Variants in DOCK2 observed in about 807,000 individuals in gnomAD.
DOCK2 encodes the protein dedicator of cytokinesis 2, also known as dedicator of cytokinesis protein 2.
A neutral mutation model predicts 248.9 loss-of-function variants in DOCK2; 87 were observed. The ratio of observed to expected loss-of-function variants is 0.35; its 90% confidence interval spans 0.29 to 0.42. The LOEUF (loss-of-function observed/expected upper bound fraction) is 0.42. DOCK2 is among the 10% of genes least tolerant of loss of function. The pLI, the probability that DOCK2 is intolerant of heterozygous loss-of-function variation, is 1.00. For synonymous variants in DOCK2, 805 were observed against 821.6 expected, an observed-to-expected ratio of 0.98 and a Z score of 0.35; for missense variants, 1,747 against 2,300.2, an observed-to-expected ratio of 0.76 and a Z score of 4.92.
chr5:169,741,394 ACT>A (rs1165209742), intron 22 of DOCK2, among the ~76,000 whole-genome samples: 1 of 152,130 alleles, frequency 6.6e-6, no homozygotes, highest in Non-Finnish European at 1.5e-5. Context: ...CTTCAGACAG[ACT>A]CAGCCACTGG....
At chr5:169,968,759 A>T (rs1234616336) in intron 27 of DOCK2, among the ~76,000 whole-genome samples, 3 of 152,196 alleles carry the variant, frequency 2.0e-5, no homozygotes, top group Admixed American at 2.0e-4. Flanking sequence ...GTTAATGGTG[A>T]TGAGCAAAAT....
Position 169,637,331 on chromosome 5 carries a change from C to A in DOCK2, c.5C>A (p.Ala2Asp). 1.4e-6 allele frequency: 2 copies of A among 1,423,096 alleles called. No homozygotes were observed. Among genetic ancestry groups the A allele is most frequent in the South Asian group, 1.4e-5 (1 of 69,616 alleles). The allele number at this position is 1,423,096 out of a possible 1,614,324, so 88.2% of individuals were successfully genotyped here. M[A>D]PWRKADKERH... is the part of the protein sequence containing the mutation. Reference sequence around the variant, plus strand: ...ACGCGAGGCCCCGGCCCAGCCATGGCCCCCTGGCGCAAAGCTGACAAGGAG... The same window carrying A: ...ACGCGAGGCCCCGGCCCAGCCATGGACCCCTGGCGCAAAGCTGACAAGGAG... The change falls in exon 1 of 52, where the codon GCC becomes GAC. Residue 2 changes from alanine (A) to aspartate (D), a missense_variant. Ala to Asp is a moderately radical substitution (Grantham distance 126, BLOSUM62 -2). Around this residue, in one of 4 missense-constraint regions of DOCK2, gnomAD observed 375 missense variants for 510.9 expected, o/e 0.73. Coordinates refer to ENST00000520908, the MANE Select transcript of DOCK2 (RefSeq NM_004946.3).
chr5:169,844,485 G>T (rs772743256), intron 27 of DOCK2, among the ~76,000 whole-genome samples: 28 of 152,180 alleles, frequency 1.8e-4, no homozygotes, highest in African/African-American at 6.5e-4. Flanking sequence ...TTGGCTCACC[G>T]CCCAGCCTTT....
rs184911891 is a variant in DOCK2, at chr5:169,683,700, A to T, written c.607-496A>T. On this transcript the variant is annotated intron_variant, in intron 7 of 51. Transcript: ENST00000520908. Reference sequence around the variant, plus strand: ...AAGTAGTAATGTTGAGTATCTCTTTATGTGCTTCCTGTCATTTCCACTTGT... The same window carrying T: ...AAGTAGTAATGTTGAGTATCTCTTTTTGTGCTTCCTGTCATTTCCACTTGT... Among the ~76,000 whole-genome samples the T allele has an allele frequency of 2.6e-5, 4 of 152,164 alleles. No homozygotes were observed. The East Asian group carries it at 7.7e-4, about 29-fold the overall frequency.
intron 50 of DOCK2, 116 bp downstream of exon 50, chr5:170,080,399 G>T: frequency 6.7e-7 from 1 of 1,497,886 alleles, no homozygotes; most frequent in South Asian, 1.3e-5. Flanking sequence ...AGGCATCCTG[G>T]AGTGAGAGGC....
At position 169,690,624 on chromosome 5, in the gene DOCK2, C is replaced by A. The variant is rs150258796; in HGVS notation, c.843+1291C>A. ...ATCTGTTATTAGTTACAAGGAGGAG[C>A]CTATTTATTTTCTGGATAAATAGGA... is the stretch of plus-strand genomic sequence containing the variant. On this transcript the variant is annotated intron_variant, in intron 9 of 51. Coordinates refer to ENST00000520908, the MANE Select transcript of DOCK2 (RefSeq NM_004946.3). 1.6e-3 allele frequency among the ~76,000 whole-genome samples: 242 copies of A among 152,250 alleles called. 1 individual carries two copies. Among genetic ancestry groups the A allele is most frequent in the African/African-American group, 5.7e-3 (236 of 41,530 alleles).
At chr5:169,984,920 ATTTATTT>A (rs1307720937) in intron 28 of DOCK2, among the ~76,000 whole-genome samples, 2 of 151,942 alleles carry the variant, frequency 1.3e-5, no homozygotes, top group Non-Finnish European at 2.9e-5. Context: ...AGATTTCTTT[ATTTATTT>A]TTTATTTTTT....
intron 26 of DOCK2, among the ~76,000 whole-genome samples, chr5:169,828,023 A>G (rs1054172633): frequency 2.6e-5 from 4 of 152,146 alleles, no homozygotes; most frequent in Non-Finnish European, 4.4e-5. Flanking sequence ...TGCCAGCACC[A>G]TGGAGAAGGG....
At chr5:169,817,038 A>G (rs900827148) in intron 26 of DOCK2, among the ~76,000 whole-genome samples, 2 of 152,060 alleles carry the variant, frequency 1.3e-5, no homozygotes, top group African/African-American at 4.8e-5. Context: ...TTTCTAGATG[A>G]CTGGGTTCAC....
intron 32 of DOCK2, among the ~76,000 whole-genome samples, chr5:170,013,945 C>T (rs539463066): frequency 3.4e-4 from 51 of 152,026 alleles, no homozygotes; most frequent in African/African-American, 1.1e-3. Context: ...ATGACAGTTG[C>T]GAAGGGGAAA....
intron 27 of DOCK2, among the ~76,000 whole-genome samples, chr5:169,974,177 G>A (rs769341893): frequency 7.9e-5 from 12 of 152,118 alleles, no homozygotes; most frequent in Non-Finnish European, 1.3e-4. Flanking sequence ...CTCTCTGTTC[G>A]TTGGTTTTCT....
intron 25 of DOCK2, among the ~76,000 whole-genome samples, chr5:169,780,100 C>A (rs1561687911): frequency 6.6e-6 from 1 of 152,150 alleles, no homozygotes; most frequent in Non-Finnish European, 1.5e-5. Flanking sequence ...ATGGCTTTGG[C>A]CTTGATCCTT....
intron 26 of DOCK2, among the ~76,000 whole-genome samples, chr5:169,827,015 G>A (rs368048548): frequency 7.4e-5 from 11 of 147,728 alleles, no homozygotes; most frequent in African/African-American, 1.0e-4. Flanking sequence ...AGCGTGGCAC[G>A]TAGTGAGTCG....
At chr5:170,017,849 T>C (rs1348782694) in intron 32 of DOCK2, among the ~76,000 whole-genome samples, 1 of 152,242 alleles carries the variant, frequency 6.6e-6, no homozygotes, top group Non-Finnish European at 1.5e-5. Flanking sequence ...TCTTCTGCGC[T>C]CTGTGCTAAG....
chr5:169,996,203 A>G (rs1581514160), intron 30 of DOCK2, 39 bp downstream of exon 30: 1 of 1,600,914 alleles, frequency 6.2e-7, no homozygotes, highest in Non-Finnish European at 8.5e-7. Context: ...GGAGCTGCCC[A>G]GGGCGTCTCT....
chr5:170,078,319 C>T (rs1343825380), intron 48 of DOCK2, among the ~76,000 whole-genome samples: 1 of 152,178 alleles, frequency 6.6e-6, no homozygotes, highest in African/African-American at 2.4e-5. Flanking sequence ...GCCCTCTGGC[C>T]ATCATTGTTG....
At chr5:169,902,127 T>C (rs1321321319) in intron 27 of DOCK2, among the ~76,000 whole-genome samples, 1 of 152,192 alleles carries the variant, frequency 6.6e-6, no homozygotes, top group Non-Finnish European at 1.5e-5. Context: ...TAATGCCATC[T>C]ATCAGAAATA....
intron 25 of DOCK2, among the ~76,000 whole-genome samples, chr5:169,776,076 T>C (rs1314607002): frequency 6.6e-6 from 1 of 151,498 alleles, no homozygotes; most frequent in African/African-American, 2.4e-5. Flanking sequence ...GATCTCACGA[T>C]TTAGAGGAAA....
intron 44 of DOCK2, among the ~76,000 whole-genome samples, chr5:170,062,301 C>A (rs913634986): frequency 6.6e-6 from 1 of 152,072 alleles, no homozygotes; most frequent in Non-Finnish European, 1.5e-5. Context: ...AGCAACATAG[C>A]AGACTAGGAA....
Sources: gnomAD v4.1 joint callset for allele counts (sites outside exome capture counted in the v4.1 genomes callset) on GRCh38, gnomAD v4.1.1 for gene constraint, gnomAD v4.1.1 regional missense constraint, MANE v1.5 for transcripts, NCBI Gene and HGNC (gene_info 2026-07-23, HGNC 2026-07-21) for gene names.